Variants in GALNT13 observed in about 807,000 individuals in gnomAD.
GALNT13 encodes polypeptide N-acetylgalactosaminyltransferase 13.
A neutral mutation model predicts 64.2 loss-of-function variants in GALNT13; 28 were observed. The observed-to-expected ratio is 0.44, with a 90% CI of 0.32 to 0.60. GALNT13 has a LOEUF of 0.60. GALNT13 is among the 20% of genes least tolerant of loss of function. The pLI is 0.05. For missense variants in GALNT13, 577 were observed against 669.8 expected (o/e 0.86, Z 1.53); for synonymous variants, 214 against 224.6 (o/e 0.95, Z 0.42).
the GALNT13 span, among the ~76,000 whole-genome samples, chr2:153,162,955 C>T: frequency 1.3e-5 from 2 of 152,118 alleles, no homozygotes; most frequent in African/African-American, 4.8e-5. Context: ...TGGGGCCTCT[C>T]TCAAGTCGAT....
rs1251798080 is a variant in GALNT13, at chr2:154,430,425, G to A, written c.1396-8167G>A. Among the ~76,000 whole-genome samples the A allele has an allele frequency of 3.9e-5, 6 of 152,142 alleles. No homozygotes were observed. In the East Asian group the frequency reaches 9.6e-4, roughly 24 times the overall value. ...GGAAATAGCAGGAGAACTAGAATTA[G>A]GAGTGGAGCCCGAAGACGTCATTGA... On this transcript the variant is annotated intron_variant, in intron 11 of 12. Transcript: ENST00000392825.
chr2:154,445,264 T>C (rs181299861), intron 12 of GALNT13, among the ~76,000 whole-genome samples: 1 of 152,032 alleles, frequency 6.6e-6, no homozygotes, highest in Non-Finnish European at 1.5e-5. Context: ...ATTTTTTTAA[T>C]GAAAATTCTA....
the GALNT13 span, among the ~76,000 whole-genome samples, chr2:153,424,278 A>AG: frequency 6.6e-6 from 1 of 151,480 alleles, no homozygotes; most frequent in Non-Finnish European, 1.5e-5. Flanking sequence ...GATGTTTAGG[A>AG]GAAAAAAAGA....
the GALNT13 span, among the ~76,000 whole-genome samples, chr2:153,465,208 A>G: frequency 6.6e-6 from 1 of 152,076 alleles, no homozygotes; most frequent in Admixed American, 6.6e-5. Flanking sequence ...ATTTTTTTCT[A>G]ACTATTTTTC....
chr2:153,135,735 C>G, the GALNT13 span, among the ~76,000 whole-genome samples: 5 of 151,908 alleles, frequency 3.3e-5, no homozygotes, highest in Non-Finnish European at 7.4e-5. Flanking sequence ...TATTATAACC[C>G]AAGGTCATGA....
the GALNT13 span, among the ~76,000 whole-genome samples, chr2:153,431,970 C>T: frequency 6.6e-6 from 1 of 152,126 alleles, no homozygotes; most frequent in Non-Finnish European, 1.5e-5. Flanking sequence ...AAAAAATATG[C>T]AAGAACATTT....
At chr2:154,241,576 T>G (rs1689492144) in intron 4 of GALNT13, among the ~76,000 whole-genome samples, 1 of 152,212 alleles carries the variant, frequency 6.6e-6, no homozygotes, top group Non-Finnish European at 1.5e-5. Flanking sequence ...TAAAAGCATA[T>G]ATGACTAGAT....
chr2:153,086,502 C>T, the GALNT13 span, among the ~76,000 whole-genome samples: 17 of 152,200 alleles, frequency 1.1e-4, no homozygotes, highest in African/African-American at 2.6e-4. Context: ...TGAAATCTGA[C>T]GGTTTCCCTG....
At chr2:153,776,513 A>AT in the GALNT13 span, among the ~76,000 whole-genome samples, 1 of 152,202 alleles carries the variant, frequency 6.6e-6, no homozygotes, top group East Asian at 1.9e-4. Context: ...CTATTAAGTT[A>AT]TTTTTTGTAG....
At chr2:153,525,468 G>A in the GALNT13 span, among the ~76,000 whole-genome samples, 1 of 152,182 alleles carries the variant, frequency 6.6e-6, no homozygotes, top group Admixed American at 6.5e-5. Flanking sequence ...ACCTGTACTA[G>A]AACCAGGCCA....
intron 3 of GALNT13, among the ~76,000 whole-genome samples, chr2:154,037,376 A>G (rs1295687454): frequency 6.6e-6 from 1 of 152,166 alleles, no homozygotes; most frequent in Admixed American, 6.6e-5. Flanking sequence ...ATATATAACA[A>G]ACCCAAAGCT....
At chr2:153,779,628 A>C in the GALNT13 span, among the ~76,000 whole-genome samples, 2 of 152,158 alleles carry the variant, frequency 1.3e-5, no homozygotes, top group Non-Finnish European at 2.9e-5. Context: ...TCCCAAATGC[A>C]TTGCTATGTT....
At chr2:153,153,016 C>T in the GALNT13 span, among the ~76,000 whole-genome samples, 2 of 152,146 alleles carry the variant, frequency 1.3e-5, no homozygotes, top group African/African-American at 4.8e-5. Context: ...CTAATTTACA[C>T]TCCTACCAAC....
At chr2:153,505,289 G>A in the GALNT13 span, among the ~76,000 whole-genome samples, 2 of 151,844 alleles carry the variant, frequency 1.3e-5, no homozygotes, top group African/African-American at 4.8e-5. Context: ...TCTCACTAAT[G>A]GTCTATCATT....
chr2:154,277,218 C>T (rs12618097), intron 8 of GALNT13, among the ~76,000 whole-genome samples: 114,201 of 152,036 alleles, frequency 0.75, 43,065 homozygotes, highest in East Asian at 0.86. Context: ...AAAAATTCAA[C>T]AAATTGAGCC....
the GALNT13 span, among the ~76,000 whole-genome samples, chr2:153,168,948 C>T: frequency 6.6e-6 from 1 of 151,972 alleles, no homozygotes; most frequent in East Asian, 1.9e-4. Flanking sequence ...TTCTTTAAGC[C>T]TCTTTTCTTG....
At chr2:153,385,314 A>C in the GALNT13 span, among the ~76,000 whole-genome samples, 1 of 152,116 alleles carries the variant, frequency 6.6e-6, no homozygotes, top group Non-Finnish European at 1.5e-5. Flanking sequence ...ATGGATAAAG[A>C]AAATGTGGTA....
At chr2:154,450,250 A>G (rs1012266424) in intron 12 of GALNT13, among the ~76,000 whole-genome samples, 161 bp from the exon 13 acceptor site, 1 of 152,100 alleles carries the variant, frequency 6.6e-6, no homozygotes, top group African/African-American at 2.4e-5. Context: ...ATGTATAATA[A>G]TTAATCCAGG....
At chr2:154,088,649 C>A (rs1701651135) in intron 3 of GALNT13, among the ~76,000 whole-genome samples, 1 of 152,084 alleles carries the variant, frequency 6.6e-6, no homozygotes, top group African/African-American at 2.4e-5. Flanking sequence ...GATGGGGTTT[C>A]CCCACATTGG....
Sources: gnomAD v4.1 joint callset for allele counts (sites outside exome capture counted in the v4.1 genomes callset) on GRCh38, gnomAD v4.1.1 for gene constraint, MANE v1.5 for transcripts, NCBI Gene and HGNC (gene_info 2026-07-23, HGNC 2026-07-21) for gene names.